The following LIPC variants were observed in gnomAD, a reference collection of about 807,000 sequenced individuals.
The protein encoded by LIPC is hepatic triacylglycerol lipase.
A neutral mutation model predicts 50.7 loss-of-function variants in LIPC; 44 were observed. The ratio of observed to expected loss-of-function variants is 0.87; its 90% confidence interval spans 0.68 to 1.11. The LOEUF (loss-of-function observed/expected upper bound fraction) is 1.11. Among genes scored for constraint, LIPC ranks in the 50% most tolerant of loss-of-function variants. The probability of loss-of-function intolerance (pLI) is 0.00; values close to 1 mark genes in which losing one functional copy is unlikely to be tolerated. For missense variants in LIPC, 697 were observed against 648.2 expected, an observed-to-expected ratio of 1.08 and a Z score of -0.82; for synonymous variants, 271 against 256.4, an observed-to-expected ratio of 1.06 and a Z score of -0.54.
chr15:58,480,055 A>G (rs1359432560), intron 1 of LIPC, among the ~76,000 whole-genome samples: 4 of 152,182 alleles, frequency 2.6e-5, no homozygotes, highest in Admixed American at 6.5e-5. Context: ...CTTGTATGGT[A>G]TCTGGCATGT....
intron 1 of LIPC, among the ~76,000 whole-genome samples, chr15:58,515,417 C>T (rs937458460): frequency 2.6e-5 from 4 of 152,098 alleles, no homozygotes; most frequent in African/African-American, 9.7e-5. Context: ...TACCATAGAG[C>T]AGCTACTATG....
intron 1 of LIPC, among the ~76,000 whole-genome samples, chr15:58,478,039 AC>A (rs1332104904): frequency 6.6e-6 from 1 of 151,712 alleles, no homozygotes; most frequent in African/African-American, 2.4e-5. Flanking sequence ...TTCAGCTCCT[AC>A]CCCAGAAATG....
chr15:58,510,051 C>T (rs1384707718), intron 1 of LIPC, among the ~76,000 whole-genome samples: 4 of 151,988 alleles, frequency 2.6e-5, no homozygotes, highest in Non-Finnish European at 4.4e-5. Context: ...ATAAAATGTA[C>T]ATGCGCAGAA....
At chr15:58,492,767 A>AC (rs1447528745) in intron 1 of LIPC, among the ~76,000 whole-genome samples, 3 of 151,924 alleles carry the variant, frequency 2.0e-5, no homozygotes, top group South Asian at 2.1e-4. Context: ...AGTTTCACTC[A>AC]CCCCCCTCCT....
chr15:58,506,162 C>G (rs1892142381), intron 1 of LIPC, among the ~76,000 whole-genome samples: 1 of 152,182 alleles, frequency 6.6e-6, no homozygotes, highest in Non-Finnish European at 1.5e-5. Context: ...TGTGGGGCTC[C>G]TTTCCCAGTA....
chr15:58,507,335 G>A (rs1892184646), intron 1 of LIPC, among the ~76,000 whole-genome samples: 1 of 151,634 alleles, frequency 6.6e-6, no homozygotes, highest in Non-Finnish European at 1.5e-5. Flanking sequence ...AGGGAGAGGA[G>A]GAGGGAAGGA....
chr15:58,493,508 C>G (rs11855161), intron 1 of LIPC, among the ~76,000 whole-genome samples: 7,732 of 144,562 alleles, frequency 0.053, 513 homozygotes, highest in Non-Finnish European at 0.084. Flanking sequence ...TACATATATA[C>G]ACACCTAGAA....
chr15:58,505,640 C>T (rs1329956211), intron 1 of LIPC, among the ~76,000 whole-genome samples: 2 of 152,214 alleles, frequency 1.3e-5, no homozygotes, highest in East Asian at 1.9e-4. Flanking sequence ...TTTCACCCAA[C>T]GTCAACCAGC....
chr15:58,507,977 G>T (rs1892208824), intron 1 of LIPC, among the ~76,000 whole-genome samples: 1 of 152,172 alleles, frequency 6.6e-6, no homozygotes, highest in Non-Finnish European at 1.5e-5. Flanking sequence ...ACAAGGGCTG[G>T]TAAATGATTC....
chr15:58,514,779 G>C (rs1276339068), intron 1 of LIPC, among the ~76,000 whole-genome samples: 3 of 152,184 alleles, frequency 2.0e-5, no homozygotes, highest in Admixed American at 2.0e-4. Flanking sequence ...AGCCAAGATG[G>C]TGCCACAGCA....
At chr15:58,443,209 G>A (rs1433235122) in intron 1 of LIPC, among the ~76,000 whole-genome samples, 1 of 152,164 alleles carries the variant, frequency 6.6e-6, no homozygotes, top group Non-Finnish European at 1.5e-5. Context: ...ACTGTGCCTG[G>A]CCGAGATATC....
chr15:58,509,604 CT>C (rs149997292), intron 1 of LIPC, among the ~76,000 whole-genome samples: 2 of 151,922 alleles, frequency 1.3e-5, no homozygotes, highest in African/African-American at 2.4e-5. Flanking sequence ...AATCTTTATT[CT>C]TTTTTTTAAC....
chr15:58,561,168 GAC>G (rs1290234859), intron 7 of LIPC, among the ~76,000 whole-genome samples, 187 bp downstream of exon 7: 1 of 152,170 alleles, frequency 6.6e-6, no homozygotes, highest in Non-Finnish European at 1.5e-5. Context: ...ACATTACCGT[GAC>G]ACAGCCTCAG....
intron 1 of LIPC, among the ~76,000 whole-genome samples, chr15:58,442,061 G>A (rs1347877059): frequency 2.6e-5 from 4 of 152,100 alleles, no homozygotes; most frequent in South Asian, 2.1e-4. Context: ...TGGGGAATGC[G>A]TTTGAGGTCT....
chr15:58,550,079 G>A (rs549010507), intron 6 of LIPC, among the ~76,000 whole-genome samples: 1 of 152,312 alleles, frequency 6.6e-6, no homozygotes, highest in South Asian at 2.1e-4. Flanking sequence ...CAAGGCCTAG[G>A]CAGGGAAAAT....
rs377673665 is a variant in LIPC, at chr15:58,565,408, C to A, written c.1388+1685C>A. The A allele has an allele frequency of 1.6e-5, 23 of 1,467,302 alleles. No homozygotes were observed. The African/African-American group carries it at 2.7e-4, about 17-fold the overall frequency. 90.9% of individuals were successfully genotyped at this position (1,467,302 alleles called of 1,614,324 possible). A position where few individuals can be genotyped will look rare whatever the true frequency, so the allele number is the denominator to read the frequency against. On this transcript the variant is annotated intron_variant, in intron 8 of 8. Transcript: ENST00000299022. ...CTAAAGCACAACACTACCTTCTCCA[C>A]TGGGGCACACCCATGTGGTACGGAA... is the stretch of plus-strand genomic sequence containing the variant.
intron 1 of LIPC, chr15:58,473,555 T>A (rs1364315644): frequency 6.6e-6 from 1 of 151,852 alleles, no homozygotes; most frequent in Non-Finnish European, 1.5e-5. Flanking sequence ...AGCAGGGAGG[T>A]AGGAGGAGAA....
At chr15:58,546,626 C>T (rs1229920932) in intron 5 of LIPC, among the ~76,000 whole-genome samples, 2 of 152,108 alleles carry the variant, frequency 1.3e-5, no homozygotes, top group Non-Finnish European at 2.9e-5. Flanking sequence ...GATTAAAGAA[C>T]AAAAATGTCA....
At chr15:58,541,649 C>T in intron 2 of LIPC, 136 bp from the exon 3 acceptor site, 1 of 895,834 alleles carries the variant, frequency 1.1e-6, no homozygotes, top group Non-Finnish European at 1.8e-6. Flanking sequence ...ATTCTCTGGC[C>T]CAAAATGTCA....
Sources: allele counts gnomAD v4.1 joint callset (sites outside exome capture counted in the v4.1 genomes callset), GRCh38; gene constraint gnomAD v4.1.1; transcripts MANE v1.5; gene names NCBI Gene and HGNC (gene_info 2026-07-23, HGNC 2026-07-21).